PRKAR1A: variants seen among roughly 807,000 people sequenced by gnomAD.
PRKAR1A encodes cAMP-dependent protein kinase type I-alpha regulatory subunit.
A neutral mutation model predicts 52.0 loss-of-function variants in PRKAR1A; 3 were observed. The observed-to-expected ratio is 0.06, with a 90% CI of 0.03 to 0.15. The LOEUF (loss-of-function observed/expected upper bound fraction) is 0.15, where lower values mean the gene tolerates loss of function less well. Ranked by LOEUF, PRKAR1A falls within the 10% of genes least tolerant of loss-of-function variation. PRKAR1A has a pLI of 1.00. For missense variants in PRKAR1A, 240 were observed against 477.4 expected, an observed-to-expected ratio of 0.50 and a Z score of 4.63; for synonymous variants, 188 against 168.4, an observed-to-expected ratio of 1.12 and a Z score of -0.90.
the PRKAR1A span, among the ~76,000 whole-genome samples, chr17:68,439,592 C>A: frequency 1.3e-5 from 2 of 152,162 alleles, no homozygotes; most frequent in East Asian, 3.8e-4. Flanking sequence ...GCTATTGAAC[C>A]ATGCATTTTA....
the PRKAR1A span, among the ~76,000 whole-genome samples, chr17:68,480,623 C>A: frequency 6.6e-6 from 1 of 152,210 alleles, no homozygotes. Flanking sequence ...TCATGGCTCA[C>A]TGCAGCCTCA....
chr17:68,435,751 A>T, the PRKAR1A span: 1 of 1,589,824 alleles, frequency 6.3e-7, no homozygotes, highest in African/African-American at 1.3e-5. Flanking sequence ...GATGCTGCGG[A>T]GGAGGGAAGA....
chr17:68,542,146 G>C, intron 11 of PRKAR1A: 1 of 1,614,074 alleles, frequency 6.2e-7, no homozygotes, highest in South Asian at 1.1e-5. Context: ...GACACTTGGC[G>C]AAGAAGCACA....
the PRKAR1A span, chr17:68,424,653 A>C: frequency 2.6e-6 from 1 of 380,700 alleles, no homozygotes; most frequent in South Asian, 2.0e-5. Context: ...AGACGAGTGG[A>C]TCACTTGAGG....
the PRKAR1A span, chr17:68,433,697 C>A: frequency 1.7e-6 from 1 of 580,904 alleles, no homozygotes; most frequent in Non-Finnish European, 3.0e-6. Flanking sequence ...AGACCCAGAT[C>A]CCTTAAACAC....
At chr17:68,524,422 A>G (rs2085717783) in intron 5 of PRKAR1A, among the ~76,000 whole-genome samples, 1 of 152,190 alleles carries the variant, frequency 6.6e-6, no homozygotes, top group African/African-American at 2.4e-5. Flanking sequence ...TGAAACACCT[A>G]CATTCTTCAT....
At chr17:68,515,055 T>C (rs1056340887) in intron 1 of PRKAR1A, 21 of 330,782 alleles carry the variant, frequency 6.3e-5, no homozygotes, top group African/African-American at 4.5e-4. Context: ...CATCATGATT[T>C]CTTTTGAGGG....
chr17:68,508,293 C>T (rs1368788001), upstream of PRKAR1A, among the ~76,000 whole-genome samples: 1 of 152,184 alleles, frequency 6.6e-6, no homozygotes, highest in Non-Finnish European at 1.5e-5. Flanking sequence ...AAATGCCCAT[C>T]AGTGGTAGTC....
the PRKAR1A span, among the ~76,000 whole-genome samples, chr17:68,476,375 G>C: frequency 1.6e-3 from 247 of 152,180 alleles, 2 homozygotes; most frequent in African/African-American, 5.4e-3. Flanking sequence ...AGGAAGTGGA[G>C]GTCTCCATTT....
At chr17:68,466,137 G>A in the PRKAR1A span, among the ~76,000 whole-genome samples, 4 of 152,100 alleles carry the variant, frequency 2.6e-5, no homozygotes, top group Non-Finnish European at 4.4e-5. Flanking sequence ...AAATTTCACC[G>A]GCTTCTTCCT....
the PRKAR1A span, chr17:68,433,641 A>G: frequency 7.5e-7 from 1 of 1,330,196 alleles, no homozygotes; most frequent in Non-Finnish European, 1.1e-6. Context: ...TATAACTCAG[A>G]GATCAGCTTT....
At position 68,533,015 on chromosome 17, in the gene PRKAR1A, A is replaced by G; in HGVS notation, c.*2566A>G. On this transcript the variant is annotated 3_prime_UTR_variant, in exon 11 of 11. Transcript: ENST00000589228. ...GTCATGGAAAGAAAAAAATTCAGTC[A>G]AAAGCTAAAGATTTCCTTTTGATTG... The G allele has an allele frequency of 2.8e-6, 3 of 1,065,938 alleles. No individual in the cohort carries two copies. The highest frequency in any genetic ancestry group is 3.4e-6 in the Non-Finnish European group (3 of 879,684). The allele number at this position is 1,065,938 out of a possible 1,614,324, so 66.0% of individuals were successfully genotyped here.
the PRKAR1A span, among the ~76,000 whole-genome samples, chr17:68,491,478 G>C: frequency 6.6e-6 from 1 of 152,256 alleles, no homozygotes; most frequent in Admixed American, 6.5e-5. Flanking sequence ...TGCTGCAAAG[G>C]GGCTGGACTT....
chr17:68,507,466 G>C (rs369730293), upstream of PRKAR1A, among the ~76,000 whole-genome samples: 4 of 152,162 alleles, frequency 2.6e-5, no homozygotes, highest in East Asian at 7.7e-4. Context: ...CATGGACACA[G>C]GGAGCAGAAC....
At chr17:68,452,793 TA>T in the PRKAR1A span, 1 of 851,600 alleles carries the variant, frequency 1.2e-6, no homozygotes, top group Non-Finnish European at 1.8e-6. Context: ...CTTGACTCCC[TA>T]AGTTTGATGG....
chr17:68,542,911 C>T (rs963105823), intron 11 of PRKAR1A: 13 of 901,708 alleles, frequency 1.4e-5, no homozygotes, highest in Admixed American at 1.8e-5. Context: ...GCTGGTGTAC[C>T]CAGGAGGGTG....
intron 11 of PRKAR1A, among the ~76,000 whole-genome samples, chr17:68,538,746 T>C (rs1319189897): frequency 2.0e-5 from 3 of 152,134 alleles, no homozygotes; most frequent in Admixed American, 1.3e-4. Flanking sequence ...ACTGCAAAAA[T>C]AGGTGATTAT....
the PRKAR1A span, among the ~76,000 whole-genome samples, chr17:68,449,800 T>C: frequency 6.6e-6 from 1 of 152,344 alleles, no homozygotes; most frequent in African/African-American, 2.4e-5. Context: ...TCTCCGGTAG[T>C]TCTTTAGAGT....
the PRKAR1A span, chr17:68,427,135 C>T: frequency 6.2e-7 from 1 of 1,613,344 alleles, no homozygotes; most frequent in Non-Finnish European, 8.5e-7. Context: ...GTCCACCCAC[C>T]TGGCACCGTG....
Sources: gnomAD v4.1 joint callset for allele counts (sites outside exome capture counted in the v4.1 genomes callset) on GRCh38, gnomAD v4.1.1 for gene constraint, MANE v1.5 for transcripts, NCBI Gene and HGNC (gene_info 2026-07-23, HGNC 2026-07-21) for gene names.